Variants in LYST observed in about 807,000 individuals in gnomAD.
LYST encodes lysosomal-trafficking regulator.
In LYST, 192 loss-of-function variants were observed where a neutral mutation model predicts 413.6. The ratio of observed to expected loss-of-function variants is 0.46; its 90% CI spans 0.41 to 0.52. The LOEUF (loss-of-function observed/expected upper bound fraction) is 0.52, where lower values mean the gene tolerates loss of function less well. Among genes scored for constraint, LYST ranks in the 20% least tolerant of loss-of-function variants. LYST has a pLI of 0.00. For synonymous variants in LYST, 1,525 were observed against 1,567.3 expected (o/e 0.97, Z 0.64); for missense variants, 3,815 against 4,499.9 (o/e 0.85, Z 4.35).
intron 45 of LYST, among the ~76,000 whole-genome samples, chr1:235,701,155 CAA>C (rs1208001527): frequency 6.6e-6 from 1 of 152,082 alleles, no homozygotes; most frequent in African/African-American, 2.4e-5. Context: ...CCAGGTGGAG[CAA>C]AGAGTCATCA....
intron 28 of LYST, 84 bp from the exon 29 acceptor site, chr1:235,746,611 C>A (rs1678165453): frequency 1.7e-5 from 17 of 1,020,182 alleles, no homozygotes; most frequent in Non-Finnish European, 2.5e-5. Flanking sequence ...TTTTTGATTA[C>A]CAGACCATGA....
chr1:235,842,336 T>C (rs1438135109), intron 1 of LYST, among the ~76,000 whole-genome samples: 1 of 152,146 alleles, frequency 6.6e-6, no homozygotes, highest in Non-Finnish European at 1.5e-5. Flanking sequence ...GATGTTAGAA[T>C]TTTTAGATTT....
At chr1:235,807,754 A>G (rs190386164) in intron 5 of LYST, among the ~76,000 whole-genome samples, 1 of 152,314 alleles carries the variant, frequency 6.6e-6, no homozygotes, top group Admixed American at 6.5e-5. Context: ...ACTCACTGAT[A>G]GGATTAAAAG....
intron 38 of LYST, among the ~76,000 whole-genome samples, chr1:235,727,610 AAATATGTC>A (rs1264869900): frequency 1.3e-5 from 2 of 152,174 alleles, no homozygotes; most frequent in African/African-American, 4.8e-5. Flanking sequence ...ATTATACAAA[AAATATGTC>A]TATTTTCTGA....
At chr1:235,861,410 G>T (rs764017283) in intron 1 of LYST, among the ~76,000 whole-genome samples, 43 of 152,196 alleles carry the variant, frequency 2.8e-4, no homozygotes, top group Non-Finnish European at 5.7e-4. Flanking sequence ...TGTAAACAAA[G>T]TTGGGGGATT....
intron 31 of LYST, chr1:235,736,405 G>A (rs1664820338): frequency 6.6e-6 from 1 of 152,138 alleles, no homozygotes; most frequent in African/African-American, 2.4e-5. Flanking sequence ...CAAATGAATG[G>A]ATAGAATGAG....
rs560888349 is a variant in LYST at position 235,830,126 on chromosome 1, T to C, written c.192+100A>G. On this transcript the variant is annotated intron_variant, in intron 3 of 52. Coordinates refer to ENST00000389793, the MANE Select transcript of LYST (RefSeq NM_000081.4). ...TGGAATAATGTGAAAGACTGGACTT[T>C]ATCTCAAGGAGGCTTCAGAAACTAT... 5.5e-5 allele frequency: 47 copies of C among 853,526 alleles called. No individual in the cohort carries two copies. The African/African-American group carries it at 7.3e-4, about 13-fold the overall frequency. 52.9% of individuals were successfully genotyped at this position (853,526 alleles called of 1,614,324 possible). A position where few individuals can be genotyped will look rare whatever the true frequency, so the allele number is the denominator to read the frequency against.
rs564745712 is a variant in LYST, at chr1:235,809,277, C to T, written c.1541G>A (p.Arg514Gln). ...CEYSHFMHHH[R>Q]DLSGLLVSAF... ...CGAAACCAGAAGACCTGAGAGATCT[C>T]GGTGATGATGCATAAAATGAGAATA... Residue 514 changes from arginine (R) to glutamine (Q), a missense_variant, in exon 5 of 53, where the codon CGA (arginine) becomes CAA (glutamine). Transcript: ENST00000389793. This position sits in a 1 kb window ranked among gnomAD's most constrained non-coding sequence, Gnocchi z 4.0. 54 of 1,614,020 alleles carry T rather than the reference C, an allele frequency of 3.3e-5. No individual in the cohort carries two copies. In the East Asian group the frequency reaches 5.1e-4, roughly 15 times the overall value.
chr1:235,751,249 G>T lies in LYST; in HGVS notation c.7741C>A (p.Pro2581Thr), dbSNP rs768548271. Residue 2581 changes from proline (P) to threonine (T), a missense_variant, in exon 28 of 53, where the codon CCC becomes ACC. This residue lies in a region of LYST where 771 missense variants were observed against 837.1 expected (regional missense o/e 0.92). Transcript: ENST00000389793. ...LTDSLQSPSA[P>T]HHAVVQKRKS... Reference sequence around the variant, plus strand: ...CGCTTTTGAACTACTGCATGATGGGGAGCAGAAGGTGACTGGAGTGAATCT... The same window carrying T: ...CGCTTTTGAACTACTGCATGATGGGTAGCAGAAGGTGACTGGAGTGAATCT... 6.2e-7 allele frequency: 1 copy of T among 1,613,770 alleles called. No individual in the cohort carries two copies. The highest frequency in any genetic ancestry group is 8.5e-7 in the Non-Finnish European group (1 of 1,179,746).
intron 1 of LYST, chr1:235,839,617 A>ACCGC (rs1553316927): frequency 6.2e-5 from 9 of 146,212 alleles, no homozygotes; most frequent in African/African-American, 2.4e-4. Flanking sequence ...AACACGGAGA[A>ACCGC]CCCCCCCCAC....
intron 42 of LYST, 31 bp from the exon 43 acceptor site, chr1:235,712,228 A>G (rs1345874064): frequency 1.6e-5 from 24 of 1,499,024 alleles, no homozygotes; most frequent in Non-Finnish European, 2.1e-5. Context: ...TACGATTAAG[A>G]CACAAAGACC....
chr1:235,805,804 G>A lies in LYST; in HGVS notation c.3332C>T (p.Ala1111Val). The A allele has an allele frequency of 3.7e-6, 6 of 1,613,376 alleles. No homozygotes were observed. The highest frequency in any genetic ancestry group is 5.1e-6 in the Non-Finnish European group (6 of 1,179,774). ...AGTTCTGGCACCATGAAGACAAATG[G>A]CCAGAAGGGCTTCCAAAAGTCGTAT... ...QSIRLLEALLAICLHGARTSQ... is the reference protein window; with the variant it reads ...QSIRLLEALLVICLHGARTSQ... Residue 1111 changes from alanine to valine, a missense_variant, in exon 6 of 53, where the codon GCC becomes GTC. Ala to Val is a moderately conservative substitution (Grantham distance 64, BLOSUM62 0). This residue lies in a region of LYST where 1,648 missense variants were observed against 1,810.3 expected (regional missense o/e 0.91). Coordinates refer to ENST00000389793, the MANE Select transcript of LYST (RefSeq NM_000081.4).
chr1:235,767,401 G>A (rs1260920060), intron 20 of LYST, among the ~76,000 whole-genome samples: 2 of 152,088 alleles, frequency 1.3e-5, no homozygotes, highest in Non-Finnish European at 2.9e-5. Context: ...AAACTCCTTT[G>A]CCAAGTTCTC....
At position 235,872,945 on chromosome 1, in the gene LYST, A is replaced by G. The variant is rs116173298; in HGVS notation, n.454+10242T>C. On this transcript the variant is annotated intron_variant and non_coding_transcript_variant, in intron 1 of 11. Coordinates refer to the LYST transcript ENST00000465349. ...AGCAAAAAGAAAGTTGGGAAGAAAA[A>G]GAATAATATTTCCAGGTTTATGACT... is the stretch of plus-strand genomic sequence containing the variant. Among the ~76,000 whole-genome samples, 520 of 152,262 alleles carry G rather than the reference A, an allele frequency of 3.4e-3. 3 individuals carry two copies. Among genetic ancestry groups the G allele is most frequent in the Middle Eastern group, 6.8e-3 (2 of 294 alleles).
chr1:235,768,393 C>A (rs1363772240), intron 20 of LYST, among the ~76,000 whole-genome samples: 3 of 152,052 alleles, frequency 2.0e-5, no homozygotes, highest in Non-Finnish European at 4.4e-5. Flanking sequence ...GCTGTACTCA[C>A]AAATGAATGA....
Position 235,806,228 on chromosome 1 carries a change from T to C in LYST, c.2908A>G (p.Ile970Val). The change falls in exon 6 of 53, where the codon ATC becomes GTC. Residue 970 changes from isoleucine (I) to valine (V), a missense_variant. Physicochemically the swap from Ile to Val is conservative, Grantham distance 29. Transcript: ENST00000389793. ...AADIWSMCRW[I>V]YMLSSVFQKQ... ...TGGAACACTGAACTCAACATGTAGA[T>C]CCAACGACACATAGACCAAATGTCT... 6.2e-7 allele frequency: 1 copy of C among 1,613,992 alleles called. No individual in the cohort carries two copies. The highest frequency in any genetic ancestry group is 8.5e-7 in the Non-Finnish European group (1 of 1,179,982).
chr1:235,829,224 C>A (rs1675676050), intron 3 of LYST, among the ~76,000 whole-genome samples: 1 of 152,124 alleles, frequency 6.6e-6, no homozygotes, highest in South Asian at 2.1e-4. Flanking sequence ...CATAAACCTA[C>A]AAATGTCCTG....
intron 31 of LYST, chr1:235,734,918 G>T: frequency 3.7e-6 from 1 of 271,906 alleles, no homozygotes; most frequent in Non-Finnish European, 6.9e-6. Flanking sequence ...AGAATTTAGA[G>T]GTAAAATATC....
chr1:235,769,008 G>T (rs1208270613), intron 20 of LYST, among the ~76,000 whole-genome samples: 1 of 151,340 alleles, frequency 6.6e-6, no homozygotes, highest in East Asian at 1.9e-4. Flanking sequence ...TGACATTACA[G>T]TGTGATTTAA....
Sources: allele counts gnomAD v4.1 joint callset (sites outside exome capture counted in the v4.1 genomes callset), GRCh38; gene constraint gnomAD v4.1.1; regional missense constraint gnomAD v4.1.1; non-coding constraint Gnocchi (gnomAD v3.1); transcripts MANE v1.5; gene names NCBI Gene and HGNC (gene_info 2026-07-23, HGNC 2026-07-21).